Variants in CMYA5 observed in about 807,000 individuals in gnomAD.
The protein encoded by CMYA5 is cardiomyopathy associated 5, also known as cardiomyopathy-associated protein 5.
CMYA5 carries 246 observed loss-of-function variants against 318.9 expected under a neutral mutation model. The ratio of observed to expected loss-of-function variants is 0.77; its 90% CI spans 0.70 to 0.86. The LOEUF (loss-of-function observed/expected upper bound fraction) is 0.86, where lower values mean the gene tolerates loss of function less well. CMYA5 is among the 40% of genes least tolerant of loss of function. The pLI is 0.00. For missense variants in CMYA5, 4,589 were observed against 4,678.2 expected (o/e 0.98, Z 0.56); for synonymous variants, 1,641 against 1,729.5 (o/e 0.95, Z 1.27).
At chr5:79,758,642 A>G (rs1184062400) in intron 6 of CMYA5, 111 bp from the exon 7 acceptor site, 2 of 742,690 alleles carry the variant, frequency 2.7e-6, no homozygotes, top group East Asian at 3.4e-5. Context: ...TTCTACTTTT[A>G]TACTATGTAT....
intron 9 of CMYA5, among the ~76,000 whole-genome samples, chr5:79,776,024 G>T (rs1221596486): frequency 6.6e-6 from 1 of 152,166 alleles, no homozygotes; most frequent in African/African-American, 2.4e-5. Flanking sequence ...TTGCAAGAAT[G>T]TTTAATTATA....
rs762770124 is a variant in CMYA5 at position 79,799,952 on chromosome 5, G to A, written c.*336G>A. The stretch of plus-strand genomic sequence containing the variant: ...TACTGGTAAAGGAAATCCTCTGATG[G>A]ACAGGTCAGAGTGAAGGAAGGTTGT... On this transcript the variant is annotated 3_prime_UTR_variant, in exon 13 of 13. Coordinates refer to ENST00000446378, the MANE Select transcript of CMYA5 (RefSeq NM_153610.5). 2.5e-5 allele frequency: 5 copies of A among 200,922 alleles called. No homozygotes were observed. Among genetic ancestry groups the A allele is most frequent in the Non-Finnish European group, 5.1e-5 (5 of 97,490 alleles). 12.4% of individuals were successfully genotyped at this position (200,922 alleles called of 1,614,324 possible). A position where few individuals can be genotyped will look rare whatever the true frequency, so the allele number is the denominator to read the frequency against.
chr5:79,771,297 C>G (rs990418726), intron 9 of CMYA5, among the ~76,000 whole-genome samples: 2 of 152,120 alleles, frequency 1.3e-5, no homozygotes, highest in African/African-American at 4.8e-5. Context: ...TTAGGGGAGT[C>G]CTGGACCTTA....
chr5:79,793,680 G>C (rs1042294089), intron 12 of CMYA5, 70 bp downstream of exon 12: 5 of 1,420,742 alleles, frequency 3.5e-6, no homozygotes, highest in Non-Finnish European at 4.8e-6. Flanking sequence ...GGCTCTCTGA[G>C]GGACCTGATA....
chr5:79,729,828 A>C lies in CMYA5; in HGVS notation c.1063A>C (p.Ile355Leu). 6.2e-7 allele frequency: 1 copy of C among 1,613,388 alleles called. No individual in the cohort carries two copies. The highest frequency in any genetic ancestry group is 8.5e-7 in the Non-Finnish European group (1 of 1,179,592). Residue 355 changes from isoleucine (I) to leucine (L), a missense_variant, in exon 2 of 13, where the codon ATA becomes CTA. Transcript: ENST00000446378. Reference sequence around the variant, plus strand: ...AAGTAGTGGCAGAGCAGAACAAGGAATACAGCTCAGGCATTCACAGTCAGT... The same window carrying C: ...AAGTAGTGGCAGAGCAGAACAAGGACTACAGCTCAGGCATTCACAGTCAGT... ...YSSSGRAEQGIQLRHSQSVPQ... is the reference protein window; with the variant it reads ...YSSSGRAEQGLQLRHSQSVPQ...
rs75101092 is a variant in CMYA5 at position 79,698,201 on chromosome 5, C to T, written c.149+8145C>T. Among the ~76,000 whole-genome samples, 18 of 152,204 alleles carry T rather than the reference C, an allele frequency of 1.2e-4. No homozygotes were observed. The East Asian group carries it at 3.5e-3, about 29-fold the overall frequency. ...GAGAAGAGATTGAGACAACTGACTTCGGCTCTTCTTAGAATTTTGGGAGCT... is the reference window on the plus strand; with the variant it reads ...GAGAAGAGATTGAGACAACTGACTTTGGCTCTTCTTAGAATTTTGGGAGCT... On this transcript the variant is annotated intron_variant, in intron 1 of 12. Transcript: ENST00000446378.
In CMYA5 at chr5:79,739,308, A is replaced by G. The variant is rs1357835389; in HGVS notation, c.10543A>G (p.Thr3515Ala). 1 of 1,598,308 alleles carries G rather than the reference A, an allele frequency of 6.3e-7. No individual in the cohort carries two copies. The highest frequency in any genetic ancestry group is 1.3e-5 in the African/African-American group (1 of 74,636). ...GTCCCAGATTGACACATACTGTTACACCTGCAAATGTCCAATTTCTGCCAC... is the reference window on the plus strand; with the variant it reads ...GTCCCAGATTGACACATACTGTTACGCCTGCAAATGTCCAATTTCTGCCAC... ...KKSQIDTYCY[T>A]CKCPISATDK... Residue 3515 changes from threonine (T) to alanine (A), a missense_variant, in exon 2 of 13, where the codon ACC (threonine) becomes GCC (alanine). This residue lies in a region of CMYA5 where 2,431 missense variants were observed against 2,495.1 expected (regional missense o/e 0.97). Transcript: ENST00000446378.
chr5:79,695,790 T>G (rs1827056258), intron 1 of CMYA5, among the ~76,000 whole-genome samples: 1 of 152,240 alleles, frequency 6.6e-6, no homozygotes, highest in African/African-American at 2.4e-5. Context: ...TCCAAAGACA[T>G]TCTTCCTAAA....
At chr5:79,768,878 C>T (rs904855508) in intron 9 of CMYA5, among the ~76,000 whole-genome samples, 2 of 152,028 alleles carry the variant, frequency 1.3e-5, no homozygotes, top group African/African-American at 4.8e-5. Context: ...GGATAATATA[C>T]TGAAGAGTGT....
intron 1 of CMYA5, among the ~76,000 whole-genome samples, chr5:79,708,222 C>T (rs753464342): frequency 7.9e-5 from 12 of 152,206 alleles, no homozygotes; most frequent in Non-Finnish European, 1.3e-4. Flanking sequence ...TTCTATCCCA[C>T]GGACTTAGCA....
At chr5:79,799,231 T>G in intron 12 of CMYA5, 139 bp from the exon 13 acceptor site, 1 of 779,918 alleles carries the variant, frequency 1.3e-6, no homozygotes, top group South Asian at 2.0e-5. Flanking sequence ...TCTAGTGAAG[T>G]ATTTGGGACA....
At position 79,730,947 on chromosome 5, in the gene CMYA5, G is replaced by C. The variant is rs747115234; in HGVS notation, c.2182G>C (p.Glu728Gln). 6.2e-7 allele frequency: 1 copy of C among 1,613,902 alleles called. No individual in the cohort carries two copies. The highest frequency in any genetic ancestry group is 2.2e-5 in the East Asian group (1 of 44,856). The part of the protein sequence containing the change: ...KSPLILKGVS[E>Q]YMIPSEEKED... ...CCCGTTAATATTGAAAGGTGTTTCT[G>C]AGTACATGATTCCATCAGAAGAGAA... The change falls in exon 2 of 13, where the codon GAG (glutamate) becomes CAG (glutamine). Residue 728 changes from glutamate to glutamine, a missense_variant. Around this residue, in one of 3 missense-constraint regions of CMYA5, gnomAD observed 2,132 missense variants for 2,131.3 expected, o/e 1.00. Transcript: ENST00000446378.
Position 79,799,563 on chromosome 5 carries a change from AAATGTACTTTGCACCTGGGGATAG to A in CMYA5, c.12159_12182del (p.Cys4054_Glu4061del). The A allele has an allele frequency of 1.9e-6, 3 of 1,613,942 alleles. No individual in the cohort carries two copies. In the South Asian group the frequency reaches 3.3e-5, roughly 18 times the overall value. ...TGCCTTTGCCCTGGAGAAACCTGGA[AAATGTACTTTGCACCTGGGGATAG>A]AGCCCCCGGATTCTGTAAGGCACAA... On this transcript the variant is annotated inframe_deletion, in exon 13 of 13. Coordinates refer to ENST00000446378, the MANE Select transcript of CMYA5 (RefSeq NM_153610.5).
intron 5 of CMYA5, among the ~76,000 whole-genome samples, chr5:79,747,583 T>G (rs1828352835): frequency 6.6e-6 from 1 of 152,228 alleles, no homozygotes; most frequent in South Asian, 2.1e-4. Context: ...TAAATGAATC[T>G]CCCTCCTTTG....
At chr5:79,743,286 C>A (rs983800641) in intron 2 of CMYA5, among the ~76,000 whole-genome samples, 6 of 152,132 alleles carry the variant, frequency 3.9e-5, no homozygotes, top group African/African-American at 1.4e-4. Context: ...GGCTATTACC[C>A]CTTGAGTATT....
chr5:79,763,560 G>T, intron 9 of CMYA5: 1 of 228,028 alleles, frequency 4.4e-6, no homozygotes, highest in East Asian at 1.0e-4. Flanking sequence ...ACCTAACTCA[G>T]GAAACTAATA....
chr5:79,774,581 G>C (rs1225539226), intron 9 of CMYA5: 1 of 152,318 alleles, frequency 6.6e-6, no homozygotes, highest in Non-Finnish European at 1.5e-5. Flanking sequence ...GAGTCAATAC[G>C]CCAGAAAGTA....
At chr5:79,749,222 A>G (rs1268922136) in intron 5 of CMYA5, among the ~76,000 whole-genome samples, 1 of 152,236 alleles carries the variant, frequency 6.6e-6, no homozygotes, top group Non-Finnish European at 1.5e-5. Context: ...CCTGTAAAGA[A>G]AAAAGACAAC....
Position 79,734,238 on chromosome 5 carries a change from G to GA in CMYA5, c.5478dup (p.Ala1827SerfsTer9). ...CCTCCTTGTAGAACAAAAAAAGACA[G>GA]AAAAAGCACTTCATTCAGATCAAAC... On this transcript the variant is annotated frameshift_variant, in exon 2 of 13. Transcript: ENST00000446378. LOFTEE classifies it high-confidence loss of function. The GA allele has an allele frequency of 6.2e-7, 1 of 1,613,626 alleles. No homozygotes were observed. Among genetic ancestry groups the GA allele is most frequent in the South Asian group, 1.1e-5 (1 of 91,022 alleles).
Sources: gnomAD v4.1 joint callset for allele counts (sites outside exome capture counted in the v4.1 genomes callset) on GRCh38, gnomAD v4.1.1 for gene constraint, gnomAD v4.1.1 regional missense constraint, MANE v1.5 for transcripts, NCBI Gene and HGNC (gene_info 2026-07-23, HGNC 2026-07-21) for gene names.